The following DHX36 variants were observed in gnomAD, a reference collection of about 807,000 sequenced individuals.
DHX36 encodes DEAH-box helicase 36, also known as ATP-dependent DNA/RNA helicase DHX36.
Under a neutral mutation model 139.0 loss-of-function variants are expected in DHX36, and 50 were observed. The observed-to-expected ratio is 0.36, with a 90% CI of 0.29 to 0.46. DHX36 has a LOEUF of 0.46. Ranked by LOEUF, DHX36 falls within the 20% of genes least tolerant of loss-of-function variation. DHX36 has a pLI of 1.00. For synonymous variants in DHX36, 425 were observed against 401.9 expected, an observed-to-expected ratio of 1.06 and a Z score of -0.69; for missense variants, 1,024 against 1,211.3, an observed-to-expected ratio of 0.85 and a Z score of 2.29.
chr3:154,314,989 A>G, intron 3 of DHX36, 57 bp downstream of exon 3: 2 of 1,258,962 alleles, frequency 1.6e-6, no homozygotes, highest in South Asian at 1.4e-5. Flanking sequence ...CCATACATAC[A>G]TTTTTATAAA....
At chr3:154,294,265 T>C (rs1711940859) in intron 13 of DHX36, among the ~76,000 whole-genome samples, 1 of 151,732 alleles carries the variant, frequency 6.6e-6, no homozygotes, top group Non-Finnish European at 1.5e-5. Context: ...TAGCTTGAGA[T>C]CAGATTGGAG....
Position 154,289,967 on chromosome 3 carries a change from T to G in DHX36, c.1815-141A>C, listed in dbSNP as rs922365462. The G allele has an allele frequency of 5.4e-6, 3 of 554,162 alleles. No individual in the cohort carries two copies. The African/African-American group carries it at 5.7e-5, about 11-fold the overall frequency. 34.3% of individuals were successfully genotyped at this position (554,162 alleles called of 1,614,324 possible). A position where few individuals can be genotyped will look rare whatever the true frequency, so the allele number is the denominator to read the frequency against. Reference sequence around the variant, plus strand: ...CATAATAGCTAATGTACGTAATTATTTTTTCCTTTTTATGAATCATGTATT... The same window carrying G: ...CATAATAGCTAATGTACGTAATTATGTTTTCCTTTTTATGAATCATGTATT... On this transcript the variant is annotated intron_variant, in intron 15 of 24. Transcript: ENST00000496811.
At chr3:154,295,379 G>T in intron 12 of DHX36, 40 bp from the exon 13 acceptor site, 1 of 1,125,572 alleles carries the variant, frequency 8.9e-7, no homozygotes, top group Non-Finnish European at 1.3e-6. Context: ...ATAAAGAGTT[G>T]CAGAAAAGCT....
chr3:154,318,195 G>C (rs982575790), intron 1 of DHX36, among the ~76,000 whole-genome samples: 3 of 152,090 alleles, frequency 2.0e-5, no homozygotes, highest in Non-Finnish European at 4.4e-5. Context: ...AGAAATCAGT[G>C]ATAAAACAAC....
intron 3 of DHX36, 61 bp downstream of exon 3, chr3:154,314,985 A>G (rs1712907807): frequency 8.5e-7 from 1 of 1,176,822 alleles, no homozygotes; most frequent in Non-Finnish European, 1.2e-6. Flanking sequence ...CTAACCATAC[A>G]TACATTTTTA....
At chr3:154,313,633 T>C (rs1712853895) in intron 3 of DHX36, among the ~76,000 whole-genome samples, 1 of 152,176 alleles carries the variant, frequency 6.6e-6, no homozygotes, top group Non-Finnish European at 1.5e-5. Flanking sequence ...TGAGCCATGA[T>C]GGCACCACTG....
intron 1 of DHX36, chr3:154,319,279 T>C (rs1713102537): frequency 6.6e-6 from 1 of 152,188 alleles, no homozygotes; most frequent in Non-Finnish European, 1.5e-5. Flanking sequence ...AATACCCTGC[T>C]TCTAGTTTTC....
Position 154,293,753 on chromosome 3 carries a change from C to G in DHX36, c.1665G>C (p.Glu555Asp). ...ATATTTAAAACTATTTTTACCTAGTCTCCGCAATGTTGGTAGCAATTACTA... is the reference window on the plus strand; with the variant it reads ...ATATTTAAAACTATTTTTACCTAGTGTCCGCAATGTTGGTAGCAATTACTA... ...RKIVIATNIA[E>D]TSITIDDVVY... Residue 555 changes from glutamate to aspartate, a missense_variant, in exon 14 of 25, where the codon GAG (glutamate) becomes GAC (aspartate). By Grantham distance (45) the Glu-to-Asp change is conservative. This residue lies in a region of DHX36 where 470 missense variants were observed against 616.2 expected (regional missense o/e 0.76). Coordinates refer to ENST00000496811, the MANE Select transcript of DHX36 (RefSeq NM_020865.3). 1 of 1,612,140 alleles carries G rather than the reference C, an allele frequency of 6.2e-7. No individual in the cohort carries two copies. Among genetic ancestry groups the G allele is most frequent in the East Asian group, 2.2e-5 (1 of 44,788 alleles).
chr3:154,283,249 C>T lies in DHX36; in HGVS notation c.2315G>A (p.Arg772His), dbSNP rs751823753. 86 of 1,613,502 alleles carry T rather than the reference C, an allele frequency of 5.3e-5. No homozygotes were observed. Among genetic ancestry groups the T allele is most frequent in the Non-Finnish European group, 6.8e-5 (80 of 1,179,630 alleles). Reference sequence around the variant, plus strand: ...ATAGTCCTTTTCGTATCTGAAACCACGTCGCCTAGCCTCTTCCCAGCCCTA... The same window carrying T: ...ATAGTCCTTTTCGTATCTGAAACCATGTCGCCTAGCCTCTTCCCAGCCCTA... ...AFEGWEEARR[R>H]GFRYEKDYCW... Residue 772 changes from arginine to histidine, a missense_variant, in exon 20 of 25, where the codon CGT (arginine) becomes CAT (histidine). Coordinates refer to ENST00000496811, the MANE Select transcript of DHX36 (RefSeq NM_020865.3).
intron 14 of DHX36, among the ~76,000 whole-genome samples, chr3:154,293,537 G>A (rs878981634): frequency 7.2e-5 from 11 of 152,120 alleles, no homozygotes; most frequent in African/African-American, 1.2e-4. Flanking sequence ...AGCCATGATC[G>A]TGCCACTGCA....
At chr3:154,295,394 C>G (rs186925451) in intron 12 of DHX36, 55 bp from the exon 13 acceptor site, 25 of 877,270 alleles carry the variant, frequency 2.8e-5, no homozygotes, top group Non-Finnish European at 4.4e-5. Flanking sequence ...AAAGCTCCAT[C>G]AAACACATAT....
At position 154,304,849 on chromosome 3, in the gene DHX36, C is replaced by A. The variant is rs1419677023; in HGVS notation, c.1092G>T (p.Leu364Phe). The A allele has an allele frequency of 1.9e-6, 3 of 1,606,004 alleles. No individual in the cohort carries two copies. Among genetic ancestry groups the A allele is most frequent in the Non-Finnish European group, 2.5e-6 (3 of 1,177,554 alleles). ...TTTCTGCATTCAATGTTGCACTCAT[C>A]AATATTACTTTCAAGTCAGATCGAA... The part of the protein sequence containing the change: ...LNFRSDLKVI[L>F]MSATLNAEKF... Residue 364 changes from leucine to phenylalanine, a missense_variant, in exon 8 of 25, where the codon TTG (leucine) becomes TTT (phenylalanine). Around this residue, in one of 4 missense-constraint regions of DHX36, gnomAD observed 146 missense variants for 215.0 expected, o/e 0.68. Transcript: ENST00000496811.
At chr3:154,302,118 T>A (rs141283903) in intron 9 of DHX36, among the ~76,000 whole-genome samples, 1 of 144,066 alleles carries the variant, frequency 6.9e-6, no homozygotes, top group African/African-American at 2.5e-5. Flanking sequence ...GCACAAAGAG[T>A]GCTTCCCTAA....
chr3:154,300,329 G>A (rs1712218644), intron 11 of DHX36, among the ~76,000 whole-genome samples: 1 of 152,092 alleles, frequency 6.6e-6, no homozygotes. Context: ...TGGCCTCCCA[G>A]AGTGCTGGGA....
intron 1 of DHX36, among the ~76,000 whole-genome samples, chr3:154,322,107 G>C (rs1229044565): frequency 1.3e-5 from 2 of 152,284 alleles, no homozygotes; most frequent in East Asian, 3.9e-4. Flanking sequence ...TTTTGGACAG[G>C]AGAACAGTAT....
Position 154,283,259 on chromosome 3 carries a change from C to T in DHX36, c.2305G>A (p.Ala769Thr). 6.2e-7 allele frequency: 1 copy of T among 1,613,318 alleles called. No homozygotes were observed. Among genetic ancestry groups the T allele is most frequent in the South Asian group, 1.1e-5 (1 of 91,064 alleles). ...TCGTATCTGAAACCACGTCGCCTAG[C>T]CTCTTCCCAGCCCTATGGGGCAAAG... ...VVNAFEGWEE[A>T]RRRGFRYEKD... The change falls in exon 20 of 25, where the codon GCT becomes ACT. Residue 769 changes from alanine (A) to threonine (T), a missense_variant. Coordinates refer to ENST00000496811, the MANE Select transcript of DHX36 (RefSeq NM_020865.3).
chr3:154,301,083 C>A lies in DHX36; in HGVS notation c.1262G>T (p.Gly421Val). The A allele has an allele frequency of 6.2e-7, 1 of 1,612,106 alleles. No individual in the cohort carries two copies. Among genetic ancestry groups the A allele is most frequent in the Non-Finnish European group, 8.5e-7 (1 of 1,179,520 alleles). The change falls in exon 10 of 25, where the codon GGT becomes GTT. Residue 421 changes from glycine to valine, a missense_variant. By Grantham distance (109) the Gly-to-Val change is moderately radical (BLOSUM62 -3). Coordinates refer to ENST00000496811, the MANE Select transcript of DHX36 (RefSeq NM_020865.3). ...TCTATTTACATGCCCTTGCATGAAA[C>A]CCCTCTTAAACTGGGATCTGTGTTC... ...QKEHRSQFKR[G>V]FMQGHVNRQE...
In DHX36 at chr3:154,292,599, T is replaced by G. The variant is rs1711865135; in HGVS notation, c.1766A>C (p.Glu589Ala). The change falls in exon 15 of 25, where the codon GAG becomes GCG. Residue 589 changes from glutamate (E) to alanine (A), a missense_variant. This residue lies in a region of DHX36 where 470 missense variants were observed against 616.2 expected (regional missense o/e 0.76). Transcript: ENST00000496811. ...TQNNISTMSA[E>A]WVSKANAKQR... ...TTTGGCATTAGCTTTACTAACCCACTCAGCGGACATTGTACTGATATTGTT... is the reference window on the plus strand; with the variant it reads ...TTTGGCATTAGCTTTACTAACCCACGCAGCGGACATTGTACTGATATTGTT... 2.5e-6 allele frequency: 4 copies of G among 1,614,066 alleles called. No individual in the cohort carries two copies. In the East Asian group the frequency reaches 8.9e-5, roughly 36 times the overall value.
At position 154,274,255 on chromosome 3, in the gene DHX36, C is replaced by A. The variant is rs546830740; in HGVS notation, c.*1916G>T. The A allele has an allele frequency of 6.4e-6, 1 of 156,186 alleles. No homozygotes were observed. The highest frequency in any genetic ancestry group is 1.4e-5 in the Non-Finnish European group (1 of 70,722). The allele number at this position is 156,186 out of a possible 1,614,324, so 9.7% of individuals were successfully genotyped here. A position where few individuals can be genotyped will look rare whatever the true frequency, so the allele number is the denominator to read the frequency against. On this transcript the variant is annotated 3_prime_UTR_variant, in exon 25 of 25. Transcript: ENST00000496811. ...CCCAGGAAGTCGAGGCTGCAGTGAA[C>A]CAAGATCACACCACTGCACTCCAGC...
Sources: allele counts gnomAD v4.1 joint callset (sites outside exome capture counted in the v4.1 genomes callset), GRCh38; gene constraint gnomAD v4.1.1; regional missense constraint gnomAD v4.1.1; transcripts MANE v1.5; gene names NCBI Gene and HGNC (gene_info 2026-07-23, HGNC 2026-07-21).